The following TRAF3IP2 variants were observed in gnomAD, a reference collection of about 807,000 sequenced individuals.
The protein encoded by TRAF3IP2 is TRAF3 interacting protein 2.
TRAF3IP2 carries 35 observed loss-of-function variants against 57.9 expected under a neutral mutation model. That is an observed-to-expected ratio of 0.60 (90% CI 0.46 to 0.80). TRAF3IP2 has a LOEUF of 0.80. Among genes scored for constraint, TRAF3IP2 ranks in the 30% least tolerant of loss-of-function variants. The pLI, the probability that TRAF3IP2 is intolerant of heterozygous loss-of-function variation, is 0.00. For synonymous variants in TRAF3IP2, 251 were observed against 268.9 expected (o/e 0.93, Z 0.65); for missense variants, 556 against 706.4 (o/e 0.79, Z 2.41).
chr6:111,595,103 G>T (rs1448229490), intron 1 of TRAF3IP2, among the ~76,000 whole-genome samples: 1 of 152,018 alleles, frequency 6.6e-6, no homozygotes, highest in Non-Finnish European at 1.5e-5. Context: ...ATGGTGGCAG[G>T]CACCTGTAAC....
At chr6:111,581,581 A>G (rs1399344877) in intron 2 of TRAF3IP2, among the ~76,000 whole-genome samples, 6 of 152,198 alleles carry the variant, frequency 3.9e-5, no homozygotes, top group African/African-American at 1.4e-4. Flanking sequence ...TGCCATGTAG[A>G]TAGGATACAT....
chr6:111,556,744 G>A lies in TRAF3IP2; in HGVS notation c.*2661C>T, dbSNP rs981058734. 2.0e-5 allele frequency: 3 copies of A among 152,076 alleles called. No individual in the cohort carries two copies. Among genetic ancestry groups the A allele is most frequent in the African/African-American group, 7.2e-5 (3 of 41,418 alleles). The allele number at this position is 152,076 out of a possible 1,614,324, so 9.4% of individuals were successfully genotyped here. ...ACCCAGTAGACATCTAAGTTATAAA[G>A]TAAATGAAACTAGTGTTCTTTGCAA... On this transcript the variant is annotated 3_prime_UTR_variant, in exon 9 of 9. Coordinates refer to ENST00000368761, the MANE Select transcript of TRAF3IP2 (RefSeq NM_147686.4).
intron 2 of TRAF3IP2, among the ~76,000 whole-genome samples, chr6:111,582,463 C>T (rs149701368): frequency 6.6e-6 from 1 of 152,244 alleles, no homozygotes; most frequent in East Asian, 1.9e-4. Context: ...CTTGAAGGGA[C>T]TGTTCTCAGA....
intron 7 of TRAF3IP2, among the ~76,000 whole-genome samples, chr6:111,563,740 C>T (rs1440651844): frequency 6.6e-6 from 1 of 152,172 alleles, no homozygotes; most frequent in Non-Finnish European, 1.5e-5. Context: ...TGGTTGGGAC[C>T]AGCTACTAAT....
intron 4 of TRAF3IP2, chr6:111,574,756 C>T (rs1285251934): frequency 6.6e-6 from 1 of 152,196 alleles, no homozygotes; most frequent in Non-Finnish European, 1.5e-5. Flanking sequence ...AGGGAAAAGG[C>T]ACTGGGGTTA....
Position 111,601,111 on chromosome 6 carries a change from C to T in TRAF3IP2, c.-9+4665G>A, listed in dbSNP as rs1314303672. Reference sequence around the variant, plus strand: ...TCTCGGTTGGGAGCACTGACTGGTTCAGCTATTGGGAGGGAAGAAAGGGGA... The same window carrying T: ...TCTCGGTTGGGAGCACTGACTGGTTTAGCTATTGGGAGGGAAGAAAGGGGA... On this transcript the variant is annotated intron_variant, in intron 1 of 8. Transcript: ENST00000368761. The T allele has an allele frequency of 5.8e-6, 4 of 687,942 alleles. No individual in the cohort carries two copies. In the East Asian group the frequency reaches 7.6e-5, roughly 13 times the overall value. The allele number at this position is 687,942 out of a possible 1,614,324, so 42.6% of individuals were successfully genotyped here.
At chr6:111,566,409 G>T in intron 7 of TRAF3IP2, 35 bp downstream of exon 7, 1 of 1,517,956 alleles carries the variant, frequency 6.6e-7, no homozygotes, top group South Asian at 1.1e-5. Context: ...CATCCCCAGG[G>T]GACAGTGAGG....
At chr6:111,583,208 T>C (rs1228629168) in intron 2 of TRAF3IP2, among the ~76,000 whole-genome samples, 1 of 152,160 alleles carries the variant, frequency 6.6e-6, no homozygotes, top group African/African-American at 2.4e-5. Flanking sequence ...GGATGCTCAA[T>C]AGATGAATGA....
intron 5 of TRAF3IP2, among the ~76,000 whole-genome samples, chr6:111,569,424 T>C (rs1265756681): frequency 6.6e-6 from 1 of 152,158 alleles, no homozygotes; most frequent in Non-Finnish European, 1.5e-5. Context: ...AAAAGGCCTA[T>C]CATAATGCCA....
At chr6:111,570,593 C>T (rs78512797) in intron 5 of TRAF3IP2, among the ~76,000 whole-genome samples, 115 of 152,254 alleles carry the variant, frequency 7.6e-4, no homozygotes, top group African/African-American at 2.6e-3. Flanking sequence ...GGGTCAGGGA[C>T]AGATTTAAAT....
At chr6:111,592,926 G>A (rs1257239303) in intron 1 of TRAF3IP2, among the ~76,000 whole-genome samples, 2 of 152,164 alleles carry the variant, frequency 1.3e-5, no homozygotes, top group Non-Finnish European at 2.9e-5. Context: ...AGTTGAACCA[G>A]CAAGGCTCGC....
Position 111,566,547 on chromosome 6 carries a change from A to G in TRAF3IP2, c.1373T>C (p.Ile458Thr). 6.2e-7 allele frequency: 1 copy of G among 1,614,082 alleles called. No homozygotes were observed. The highest frequency in any genetic ancestry group is 8.5e-7 in the Non-Finnish European group (1 of 1,179,964). ...ERYLRDKTVMIIVAISPKYKQ... is the reference protein window; with the variant it reads ...ERYLRDKTVMTIVAISPKYKQ... Reference sequence around the variant, plus strand: ...GTATTTGGGGCTGATTGCTACGATTATCATCACGGTCTTCTGTTAATGAGA... The same window carrying G: ...GTATTTGGGGCTGATTGCTACGATTGTCATCACGGTCTTCTGTTAATGAGA... Residue 458 changes from isoleucine to threonine, a missense_variant, in exon 7 of 9, where the codon ATA becomes ACA. Ile to Thr is a moderately conservative substitution (Grantham distance 89, BLOSUM62 -1). Around this residue, in one of 2 missense-constraint regions of TRAF3IP2, gnomAD observed 128 missense variants for 207.7 expected, o/e 0.62. Transcript: ENST00000368761.
Position 111,605,857 on chromosome 6 carries a change from G to C in TRAF3IP2, c.-90C>G, listed in dbSNP as rs945700084. ...CTTCTCGTCTCCCTCCACCTTCTCC[G>C]GGCCCAGGTAAGTAGAAGAACAGGC... On this transcript the variant is annotated 5_prime_UTR_variant, in exon 1 of 9. Coordinates refer to ENST00000368761, the MANE Select transcript of TRAF3IP2 (RefSeq NM_147686.4). 3 of 152,072 alleles carry C rather than the reference G, an allele frequency of 2.0e-5. No homozygotes were observed. The highest frequency in any genetic ancestry group is 2.1e-4 in the South Asian group (1 of 4,806). The allele number at this position is 152,072 out of a possible 1,614,324, so 9.4% of individuals were successfully genotyped here.
At position 111,567,701 on chromosome 6, in the gene TRAF3IP2, A is replaced by C. The variant is rs990729957; in HGVS notation, c.1291-9T>G. 1.9e-6 allele frequency: 3 copies of C among 1,602,924 alleles called. No individual in the cohort carries two copies. The highest frequency in any genetic ancestry group is 3.5e-5 in the Admixed American group (2 of 57,856). On this transcript the variant is annotated splice_polypyrimidine_tract_variant and intron_variant, in intron 5 of 8. Transcript: ENST00000368761. ...TCCTCAAATATGTCAATCTGCAAAA[A>C]AAAAGATGTGGGAGTTGGCCCTTAA...
At chr6:111,604,955 T>C (rs1485357356) in intron 1 of TRAF3IP2, among the ~76,000 whole-genome samples, 2 of 152,158 alleles carry the variant, frequency 1.3e-5, no homozygotes, top group African/African-American at 4.8e-5. Flanking sequence ...CCCATCAATT[T>C]ACTGATGAAG....
At chr6:111,581,939 T>C (rs1042875326) in intron 2 of TRAF3IP2, among the ~76,000 whole-genome samples, 17 of 152,106 alleles carry the variant, frequency 1.1e-4, no homozygotes, top group African/African-American at 3.9e-4. Context: ...GATTGTGCCA[T>C]TGAACTCCAG....
intron 1 of TRAF3IP2, among the ~76,000 whole-genome samples, chr6:111,605,570 A>G (rs1796994320): frequency 6.6e-6 from 1 of 152,194 alleles, no homozygotes. Context: ...CTGAAATACT[A>G]TACTAGCAAC....
chr6:111,596,283 G>A (rs1040887514), intron 1 of TRAF3IP2, among the ~76,000 whole-genome samples: 1 of 152,022 alleles, frequency 6.6e-6, no homozygotes, highest in Non-Finnish European at 1.5e-5. Context: ...TCCTAAGGGT[G>A]CAATTTTCTC....
chr6:111,605,410 G>A (rs1796988568), intron 1 of TRAF3IP2, among the ~76,000 whole-genome samples: 1 of 152,224 alleles, frequency 6.6e-6, no homozygotes, highest in South Asian at 2.1e-4. Context: ...GCCATCCCTG[G>A]CTCTCTCTTT....
Sources: allele counts gnomAD v4.1 joint callset (sites outside exome capture counted in the v4.1 genomes callset), GRCh38; gene constraint gnomAD v4.1.1; regional missense constraint gnomAD v4.1.1; transcripts MANE v1.5; gene names NCBI Gene and HGNC (gene_info 2026-07-23, HGNC 2026-07-21).